Variants in LCOR observed in about 807,000 individuals in gnomAD.
LCOR encodes ligand-dependent corepressor.
Under a neutral mutation model 64.4 loss-of-function variants are expected in LCOR, and 14 were observed. The ratio of observed to expected loss-of-function variants is 0.22; its 90% CI spans 0.14 to 0.34. LCOR has a LOEUF of 0.34. Ranked by LOEUF, LCOR falls within the 10% of genes least tolerant of loss-of-function variation. LCOR has a pLI of 1.00. For synonymous variants in LCOR, 643 were observed against 642.5 expected (o/e 1.00, Z -0.01); for missense variants, 1,686 against 1,765.3 (o/e 0.96, Z 0.80).
chr10:96,840,754 TACTC>T (rs1430164231), intron 2 of LCOR, among the ~76,000 whole-genome samples: 2 of 152,392 alleles, frequency 1.3e-5, no homozygotes, highest in Middle Eastern at 6.8e-3. Context: ...AAATAAATTT[TACTC>T]AGTTGTGCCT....
chr10:96,932,451 A>T (rs567518843), intron 4 of LCOR, among the ~76,000 whole-genome samples: 38 of 151,862 alleles, frequency 2.5e-4, no homozygotes, highest in Admixed American at 2.3e-3. Context: ...TTTTTATTTT[A>T]TTTTATTTTA....
intron 5 of LCOR, among the ~76,000 whole-genome samples, chr10:96,946,137 G>T (rs539804965): frequency 5.8e-4 from 88 of 151,928 alleles, no homozygotes; most frequent in African/African-American, 2.1e-3. Flanking sequence ...TATTAATATT[G>T]CTATGTTTAG....
chr10:96,834,411 A>G (rs1845404962), intron 2 of LCOR, among the ~76,000 whole-genome samples: 1 of 152,184 alleles, frequency 6.6e-6, no homozygotes. Context: ...CCTATCAGTT[A>G]TCCTGTACTC....
chr10:96,870,794 C>A (rs1036106400), intron 2 of LCOR, among the ~76,000 whole-genome samples: 3 of 152,112 alleles, frequency 2.0e-5, no homozygotes, highest in African/African-American at 7.2e-5. Flanking sequence ...AGAATCAAGT[C>A]GCTCATGAGT....
chr10:96,859,716 C>T (rs1845857657), intron 2 of LCOR, among the ~76,000 whole-genome samples: 1 of 152,058 alleles, frequency 6.6e-6, no homozygotes, highest in Admixed American at 6.6e-5. Flanking sequence ...TGCTACCAAA[C>T]CTGGCTAATT....
chr10:96,856,072 T>C (rs1456220695), intron 2 of LCOR, among the ~76,000 whole-genome samples: 1 of 148,376 alleles, frequency 6.7e-6, no homozygotes, highest in Non-Finnish European at 1.5e-5. Context: ...TTTATTTTAT[T>C]TATTTAGTTT....
rs932231942 is a variant in LCOR, at chr10:96,986,024, A to G, written c.*890A>G. The G allele has an allele frequency of 1.2e-5, 2 of 167,004 alleles. No homozygotes were observed. Among genetic ancestry groups the G allele is most frequent in the East Asian group, 3.8e-4 (2 of 5,196 alleles). The allele number at this position is 167,004 out of a possible 1,614,324, so 10.3% of individuals were successfully genotyped here. On this transcript the variant is annotated 3_prime_UTR_variant, in exon 8 of 8. Coordinates refer to ENST00000421806, the MANE Select transcript of LCOR (RefSeq NM_001346516.2). ...CTGTAATTTGATGATTAGGATGAAA[A>G]TGACTCTTATTTTCTTTCTTACCCA... is the stretch of plus-strand genomic sequence containing the variant.
chr10:96,952,766 GA>G (rs1736308021), intron 7 of LCOR, among the ~76,000 whole-genome samples: 2 of 152,082 alleles, frequency 1.3e-5, no homozygotes, highest in Admixed American at 6.5e-5. Flanking sequence ...TAAATTCTCT[GA>G]CACCCTAATT....
chr10:96,942,552 T>TA (rs1564633350), intron 4 of LCOR, among the ~76,000 whole-genome samples: 1 of 152,250 alleles, frequency 6.6e-6, no homozygotes, highest in Non-Finnish European at 1.5e-5. Flanking sequence ...TACTGTGCCT[T>TA]ATATAGCAGT....
rs1352493890 is a variant in LCOR, at chr10:96,959,718, G to A, written c.332+7522G>A. The A allele has an allele frequency of 1.3e-5, 2 of 152,108 alleles. 1 individual carries two copies. Among genetic ancestry groups the A allele is most frequent in the Middle Eastern group, 6.3e-3 (2 of 316 alleles). 9.4% of individuals were successfully genotyped at this position (152,108 alleles called of 1,614,324 possible). A position where few individuals can be genotyped will look rare whatever the true frequency, so the allele number is the denominator to read the frequency against. On this transcript the variant is annotated intron_variant, in intron 7 of 7. Transcript: ENST00000421806. ...CTTTCAGGAAAAATAATTTATATTTGTGTATAATACTTTTTAATATTAAGT... is the reference window on the plus strand; with the variant it reads ...CTTTCAGGAAAAATAATTTATATTTATGTATAATACTTTTTAATATTAAGT...
intron 7 of LCOR, among the ~76,000 whole-genome samples, chr10:96,977,021 C>T (rs953562781): frequency 2.6e-5 from 4 of 152,110 alleles, no homozygotes; most frequent in Admixed American, 2.0e-4. Context: ...ATTGCCAAAA[C>T]GCACTTGGAG....
At chr10:96,901,056 G>A (rs1846627808) in intron 2 of LCOR, among the ~76,000 whole-genome samples, 1 of 151,970 alleles carries the variant, frequency 6.6e-6, no homozygotes, top group Admixed American at 6.6e-5. Context: ...AGGCGTGGTG[G>A]CGGGCGCCTA....
Position 96,991,601 on chromosome 10 carries a change from A to T in LCOR, c.*6467A>T, listed in dbSNP as rs1848201300. 6.6e-6 allele frequency: 1 copy of T among 152,210 alleles called. No individual in the cohort carries two copies. The highest frequency in any genetic ancestry group is 1.5e-5 in the Non-Finnish European group (1 of 68,038). 9.4% of individuals were successfully genotyped at this position (152,210 alleles called of 1,614,324 possible). ...ATACTTGAAGGTTTCTCACTCTTCA[A>T]GCTCTGGTCGTGATATGAGAACATA... is the stretch of plus-strand genomic sequence containing the variant. On this transcript the variant is annotated 3_prime_UTR_variant, in exon 8 of 8. Coordinates refer to ENST00000421806, the MANE Select transcript of LCOR (RefSeq NM_001346516.2).
At chr10:96,960,752 G>C (rs1452774459) in intron 7 of LCOR, 1 of 152,088 alleles carries the variant, frequency 6.6e-6, no homozygotes, top group Non-Finnish European at 1.5e-5. Context: ...AAGCTATCTA[G>C]GGATTTTTTT....
At chr10:96,931,576 C>T (rs1648563822) in intron 4 of LCOR, among the ~76,000 whole-genome samples, 1 of 152,076 alleles carries the variant, frequency 6.6e-6, no homozygotes, top group Non-Finnish European at 1.5e-5. Context: ...CTGCTTCTCC[C>T]TACCACCTTC....
At position 96,983,461 on chromosome 10, in the gene LCOR, C is replaced by G; in HGVS notation, c.3001C>G (p.Gln1001Glu). 6 of 1,614,108 alleles carry G rather than the reference C, an allele frequency of 3.7e-6. No homozygotes were observed. The highest frequency in any genetic ancestry group is 5.1e-6 in the Non-Finnish European group (6 of 1,180,012). ...VNEVDNENTQ[Q>E]KDDESDAPCS... ...TGAGGTAGACAACGAAAACACCCAG[C>G]AGAAAGATGATGAGAGTGATGCCCC... Residue 1001 changes from glutamine to glutamate, a missense_variant, in exon 8 of 8, where the codon CAG becomes GAG. Physicochemically the swap from Gln to Glu is conservative, Grantham distance 29. Coordinates refer to ENST00000421806, the MANE Select transcript of LCOR (RefSeq NM_001346516.2). The surrounding 1 kb of genome is among the most constrained non-coding windows in gnomAD (Gnocchi z 4.5).
chr10:96,938,861 TACTG>T (rs970006243), intron 4 of LCOR, among the ~76,000 whole-genome samples: 8 of 152,200 alleles, frequency 5.3e-5, no homozygotes, highest in Non-Finnish European at 1.0e-4. Flanking sequence ...TACAAAATGT[TACTG>T]AAAGAAATTA....
chr10:96,933,606 G>A (rs577901242), intron 4 of LCOR, among the ~76,000 whole-genome samples: 6 of 152,200 alleles, frequency 3.9e-5, no homozygotes, highest in East Asian at 1.9e-4. Context: ...CTCAACCTCC[G>A]TCTCCTGGGT....
At chr10:96,956,863 T>G (rs1235364139) in intron 7 of LCOR, 1 of 984,896 alleles carries the variant, frequency 1.0e-6, no homozygotes, top group Non-Finnish European at 1.2e-6. Flanking sequence ...TGAATATCAT[T>G]GCAGCAACTA....
Sources: allele counts gnomAD v4.1 joint callset (sites outside exome capture counted in the v4.1 genomes callset), GRCh38; gene constraint gnomAD v4.1.1; non-coding constraint Gnocchi (gnomAD v3.1); transcripts MANE v1.5; gene names NCBI Gene and HGNC (gene_info 2026-07-23, HGNC 2026-07-21).